Variants in TMEM236 observed in about 807,000 individuals in gnomAD.
TMEM236 encodes family with sequence similarity 23, member A.
In TMEM236, 11 loss-of-function variants were observed where a neutral mutation model predicts 14.7. The ratio of observed to expected loss-of-function variants is 0.75; its 90% confidence interval spans 0.47 to 1.24. TMEM236 has a LOEUF of 1.24. Among genes scored for constraint, TMEM236 ranks in the 50% most tolerant of loss-of-function variants. The pLI, the probability that TMEM236 is intolerant of heterozygous loss-of-function variation, is 0.00. For missense variants in TMEM236, 464 were observed against 427.3 expected, an observed-to-expected ratio of 1.09 and a Z score of -0.76; for synonymous variants, 182 against 168.6, an observed-to-expected ratio of 1.08 and a Z score of -0.62.
chr10:17,769,379 C>T (rs1837530212), intron 1 of TMEM236, among the ~76,000 whole-genome samples: 1 of 152,048 alleles, frequency 6.6e-6, no homozygotes, highest in South Asian at 2.1e-4. Flanking sequence ...AGTGGAAGTG[C>T]CTAACAGTTG....
In TMEM236 at chr10:17,796,090, A is replaced by T; in HGVS notation, c.642A>T (p.Gly214=). ...GGAGCCAGGAGTCTGTGTTCATGGG[A>T]CCCCAGGAGCCCTCCTGTGACTCCG... ...MTRSQESVFM[G]PQEPSCDSGI... Residue 214 remains glycine, a synonymous_variant, in exon 4 of 4, where the codon GGA becomes GGT. Transcript: ENST00000377495. The T allele has an allele frequency of 6.2e-7, 1 of 1,613,792 alleles. No individual in the cohort carries two copies. Among genetic ancestry groups the T allele is most frequent in the Non-Finnish European group, 8.5e-7 (1 of 1,179,842 alleles).
chr10:17,776,760 C>T (rs918410350), intron 3 of TMEM236, among the ~76,000 whole-genome samples: 21 of 152,180 alleles, frequency 1.4e-4, no homozygotes, highest in Non-Finnish European at 2.2e-4. Context: ...CATAGCAAGA[C>T]ACCATCCCTA....
chr10:17,776,258 T>C, intron 3 of TMEM236, 88 bp downstream of exon 3: 7 of 1,257,230 alleles, frequency 5.6e-6, no homozygotes, highest in Non-Finnish European at 8.1e-6. Flanking sequence ...ACATGTTTAA[T>C]GATACCTTTT....
chr10:17,754,821 T>C (rs1265012092), intron 1 of TMEM236, among the ~76,000 whole-genome samples: 2 of 152,234 alleles, frequency 1.3e-5, no homozygotes, highest in Non-Finnish European at 2.9e-5. Context: ...CTGATATTAA[T>C]GTATTTTTCC....
In TMEM236 at chr10:17,778,004, G is replaced by C. The variant is rs1011321818; in HGVS notation, c.472+1834G>C. ...TCCACCCACCTGGGCCTCCCAAAGTGCTGGGATTACAGGTGTGAGCCACCG... is the reference window on the plus strand; with the variant it reads ...TCCACCCACCTGGGCCTCCCAAAGTCCTGGGATTACAGGTGTGAGCCACCG... On this transcript the variant is annotated intron_variant, in intron 3 of 3. Transcript: ENST00000377495. 1.5e-3 allele frequency among the ~76,000 whole-genome samples: 223 copies of C among 152,324 alleles called. 1 individual carries two copies. Among genetic ancestry groups the C allele is most frequent in the African/African-American group, 5.2e-3 (217 of 41,576 alleles).
chr10:17,779,736 A>C (rs1238561707), intron 3 of TMEM236, among the ~76,000 whole-genome samples: 3 of 152,022 alleles, frequency 2.0e-5, no homozygotes, highest in Non-Finnish European at 4.4e-5. Context: ...AACCAGACCC[A>C]CAGTGGGTCT....
At chr10:17,794,130 T>C (rs2131768847) in intron 3 of TMEM236, among the ~76,000 whole-genome samples, 1 of 152,208 alleles carries the variant, frequency 6.6e-6, no homozygotes, top group East Asian at 1.9e-4. Context: ...AGAAATGTAT[T>C]GTGTCCTTTA....
At chr10:17,776,546 TTAC>T (rs1307007736) in intron 3 of TMEM236, among the ~76,000 whole-genome samples, 2 of 152,240 alleles carry the variant, frequency 1.3e-5, no homozygotes, top group Non-Finnish European at 2.9e-5. Flanking sequence ...TTGGAGACTT[TTAC>T]TACAGGAATT....
Position 17,796,358 on chromosome 10 carries a change from G to A in TMEM236, c.910G>A (p.Val304Ile). 1 of 1,613,906 alleles carries A rather than the reference G, an allele frequency of 6.2e-7. No homozygotes were observed. The highest frequency in any genetic ancestry group is 8.5e-7 in the Non-Finnish European group (1 of 1,179,860). ...GCTGCAAGATTTACCATTCGTTTTT[G>A]TTAGACTTGGTTTAATCATTGCCCT... is the stretch of plus-strand genomic sequence containing the variant. ...VLLQDLPFVF[V>I]RLGLIIALGT... Residue 304 changes from valine (V) to isoleucine (I), a missense_variant, in exon 4 of 4, where the codon GTT (valine) becomes ATT (isoleucine). Physicochemically the swap from Val to Ile is conservative, Grantham distance 29. Transcript: ENST00000377495.
At chr10:17,778,128 A>C (rs1325196907) in intron 3 of TMEM236, among the ~76,000 whole-genome samples, 4 of 152,228 alleles carry the variant, frequency 2.6e-5, no homozygotes, top group African/African-American at 9.6e-5. Flanking sequence ...AAGAAGAAGT[A>C]GATCTGGGGG....
intron 1 of TMEM236, among the ~76,000 whole-genome samples, chr10:17,762,616 T>A (rs2461173): frequency 1.8e-5 from 1 of 54,214 alleles, no homozygotes; most frequent in Non-Finnish European, 3.5e-5. Context: ...TATATATATA[T>A]ATACACACAT....
intron 3 of TMEM236, among the ~76,000 whole-genome samples, chr10:17,781,598 T>G (rs976591836): frequency 2.5e-4 from 38 of 151,706 alleles, no homozygotes; most frequent in African/African-American, 8.5e-4. Context: ...ATATAAAAAT[T>G]GGTTGGCCGT....
chr10:17,761,400 A>C (rs555331839), intron 1 of TMEM236, among the ~76,000 whole-genome samples: 19 of 152,192 alleles, frequency 1.2e-4, no homozygotes, highest in Admixed American at 5.2e-4. Flanking sequence ...CTCCTTAAAA[A>C]AAGTTTTCTG....
chr10:17,752,862 C>T (rs35125585), intron 1 of TMEM236, among the ~76,000 whole-genome samples: 8,183 of 152,178 alleles, frequency 0.054, 294 homozygotes, highest in Non-Finnish European at 0.08. Flanking sequence ...CCACAATGCC[C>T]GGCCTGTAGA....
At chr10:17,769,609 C>T (rs1290097961) in intron 1 of TMEM236, among the ~76,000 whole-genome samples, 1 of 152,090 alleles carries the variant, frequency 6.6e-6, no homozygotes, top group Non-Finnish European at 1.5e-5. Context: ...ACTTAGAGAA[C>T]TTAGTGTTGT....
In TMEM236 at chr10:17,796,515, G is replaced by A; in HGVS notation, c.*11G>A. On this transcript the variant is annotated 3_prime_UTR_variant, in exon 4 of 4. Coordinates refer to ENST00000377495, the MANE Select transcript of TMEM236 (RefSeq NM_001098844.3). ...ATGTCTCCATTTTAAAAAGGAAATG[G>A]GATCTAGTAAGGCCTCTTTGTGATA... 6.3e-7 allele frequency: 1 copy of A among 1,597,802 alleles called. No individual in the cohort carries two copies. Among genetic ancestry groups the A allele is most frequent in the Non-Finnish European group, 8.6e-7 (1 of 1,165,562 alleles).
chr10:17,778,382 T>C (rs1264106549), intron 3 of TMEM236, among the ~76,000 whole-genome samples: 2 of 152,252 alleles, frequency 1.3e-5, no homozygotes, highest in African/African-American at 4.8e-5. Flanking sequence ...TAACATGAAA[T>C]TAATGATATA....
intron 3 of TMEM236, among the ~76,000 whole-genome samples, chr10:17,787,775 A>T (rs1837862922): frequency 6.6e-6 from 1 of 152,188 alleles, no homozygotes; most frequent in African/African-American, 2.4e-5. Flanking sequence ...CTACACTAGT[A>T]AATATGCATA....
At chr10:17,767,030 C>T (rs1589142723) in intron 1 of TMEM236, among the ~76,000 whole-genome samples, 1 of 152,158 alleles carries the variant, frequency 6.6e-6, no homozygotes, top group Admixed American at 6.5e-5. Context: ...TTAGGACCCA[C>T]CTTAATGATC....
Sources: gnomAD v4.1 joint callset for allele counts (sites outside exome capture counted in the v4.1 genomes callset) on GRCh38, gnomAD v4.1.1 for gene constraint, MANE v1.5 for transcripts, NCBI Gene and HGNC (gene_info 2026-07-23, HGNC 2026-07-21) for gene names.